The following CCDC13 variants were observed in gnomAD, a reference collection of about 807,000 sequenced individuals.
The protein encoded by CCDC13 is coiled-coil domain-containing protein 13.
A neutral mutation model predicts 87.3 loss-of-function variants in CCDC13; 70 were observed. That is an observed-to-expected ratio of 0.80 (90% CI 0.66 to 0.98). The LOEUF is 0.98. CCDC13 is among the 50% of genes least tolerant of loss of function. The pLI, the probability that CCDC13 is intolerant of heterozygous loss-of-function variation, is 0.00. For synonymous variants in CCDC13, 317 were observed against 360.3 expected, an observed-to-expected ratio of 0.88 and a Z score of 1.36; for missense variants, 842 against 892.0, an observed-to-expected ratio of 0.94 and a Z score of 0.71.
chr3:42,723,565 G>T (rs1409470803), intron 13 of CCDC13, among the ~76,000 whole-genome samples: 1 of 152,076 alleles, frequency 6.6e-6, no homozygotes, highest in East Asian at 1.9e-4. Flanking sequence ...AAAAAAGAAA[G>T]AACATTAAAT....
chr3:42,729,927 G>A (rs1295062391), intron 13 of CCDC13, among the ~76,000 whole-genome samples: 1 of 152,206 alleles, frequency 6.6e-6, no homozygotes, highest in African/African-American at 2.4e-5. Context: ...TTGCCAAAAG[G>A]ATCATTTGAG....
intron 9 of CCDC13, among the ~76,000 whole-genome samples, chr3:42,737,645 T>A (rs1023080175): frequency 5.3e-5 from 8 of 152,266 alleles, no homozygotes; most frequent in African/African-American, 1.9e-4. Context: ...GGTTTTGATT[T>A]GCATTTCTCT....
chr3:42,726,507 A>G (rs974277598), intron 13 of CCDC13, among the ~76,000 whole-genome samples: 10 of 152,228 alleles, frequency 6.6e-5, no homozygotes, highest in Admixed American at 5.2e-4. Flanking sequence ...GAATAAGTCT[A>G]ACATATATGG....
At position 42,757,341 on chromosome 3, in the gene CCDC13, G is replaced by T. The variant is rs986966296; in HGVS notation, c.222-127C>A. 56 of 878,270 alleles carry T rather than the reference G, an allele frequency of 6.4e-5. 1 individual carries two copies. Among genetic ancestry groups the T allele is most frequent in the Non-Finnish European group, 9.4e-5 (54 of 577,102 alleles). 54.4% of individuals were successfully genotyped at this position (878,270 alleles called of 1,614,324 possible). A position where few individuals can be genotyped will look rare whatever the true frequency, so the allele number is the denominator to read the frequency against. On this transcript the variant is annotated intron_variant, in intron 2 of 15. Transcript: ENST00000310232. ...AGACACACTGACGTGAAAGAAGAAA[G>T]ATTTCAATGTCGTTCATTAGCTGGC...
chr3:42,737,459 T>C lies in CCDC13; in HGVS notation c.1165-1546A>G, dbSNP rs562449168. 2.8e-4 allele frequency among the ~76,000 whole-genome samples: 43 copies of C among 152,372 alleles called. No homozygotes were observed. In the South Asian group the frequency reaches 8.3e-3, roughly 29 times the overall value. On this transcript the variant is annotated intron_variant, in intron 9 of 15. Transcript: ENST00000310232. ...TGGGATTGCTGGATCAAATGGTATT[T>C]CTAGTTCTAGATCCTTGAGGAATCG... is the stretch of plus-strand genomic sequence containing the variant.
At chr3:42,764,112 A>G (rs1699887303) in intron 1 of CCDC13, among the ~76,000 whole-genome samples, 2 of 152,232 alleles carry the variant, frequency 1.3e-5, no homozygotes, top group South Asian at 4.1e-4. Context: ...TAAAAGAGAT[A>G]AAAGTTTTGA....
intron 12 of CCDC13, among the ~76,000 whole-genome samples, chr3:42,730,826 A>C (rs1300457570): frequency 6.6e-6 from 1 of 152,070 alleles, no homozygotes; most frequent in Non-Finnish European, 1.5e-5. Context: ...TTACACTGGT[A>C]CCTCTGTCCA....
rs147783900 is a variant in CCDC13 at position 42,765,975 on chromosome 3, G to A, written c.-7+7201C>T. Among the ~76,000 whole-genome samples, 862 of 152,336 alleles carry A rather than the reference G, an allele frequency of 5.7e-3. 4 individuals are homozygous for A. Among genetic ancestry groups the A allele is most frequent in the Non-Finnish European group, 9.4e-3 (639 of 68,036 alleles). ...GATCAGCTTTGCCTTCTGCAGAGCT[G>A]GAGGCAAAGGGCCTAGCTAGGAGGG... On this transcript the variant is annotated intron_variant, in intron 1 of 15. Coordinates refer to ENST00000310232, the MANE Select transcript of CCDC13 (RefSeq NM_144719.4).
chr3:42,735,764 A>G lies in CCDC13; in HGVS notation c.1314T>C (p.Ala438=). 1.2e-6 allele frequency: 2 copies of G among 1,614,224 alleles called. No homozygotes were observed. The highest frequency in any genetic ancestry group is 1.7e-6 in the Non-Finnish European group (2 of 1,180,036). ...GCTGTCGCACTTTGGCCTCCCGCTC[A>G]GCTACCATGGCCTGCAGCTGGGCGA... The part of the protein sequence containing the change: ...SLVAQLQAMV[A]EREAKVRQLE... Residue 438 remains alanine, a synonymous_variant, in exon 10 of 16, where the codon GCT becomes GCC. Transcript: ENST00000310232.
intron 8 of CCDC13, among the ~76,000 whole-genome samples, chr3:42,741,877 C>T (rs115824442): frequency 3.3e-5 from 5 of 152,316 alleles, no homozygotes; most frequent in African/African-American, 7.2e-5. Context: ...TGGTCTACAG[C>T]GCTGGGAGGT....
intron 7 of CCDC13, among the ~76,000 whole-genome samples, chr3:42,744,528 G>A (rs11709054): frequency 0.24 from 36,284 of 152,036 alleles, 4,509 homozygotes; most frequent in South Asian, 0.29. Flanking sequence ...ATACAGGGCC[G>A]GGCGTGGTGG....
chr3:42,749,787 A>G (rs1266028863), intron 5 of CCDC13: 9 of 447,982 alleles, frequency 2.0e-5, no homozygotes, highest in East Asian at 1.4e-4. Context: ...AGCGCAGTAC[A>G]TGGGGAGCAG....
At chr3:42,743,672 TA>T (rs2125896466) in intron 7 of CCDC13, among the ~76,000 whole-genome samples, 1 of 147,230 alleles carries the variant, frequency 6.8e-6, no homozygotes, top group African/African-American at 2.5e-5. Flanking sequence ...TATATATATA[TA>T]AAATTTGGTA....
At chr3:42,769,641 G>C (rs1700013367) in intron 1 of CCDC13, among the ~76,000 whole-genome samples, 1 of 152,280 alleles carries the variant, frequency 6.6e-6, no homozygotes. Context: ...GCCTGCTGCT[G>C]CACTGTGGGA....
At chr3:42,771,276 AG>A (rs1221360578) in intron 1 of CCDC13, among the ~76,000 whole-genome samples, 1 of 152,270 alleles carries the variant, frequency 6.6e-6, no homozygotes, top group Non-Finnish European at 1.5e-5. Flanking sequence ...GAGAAGTAAA[AG>A]ATACCAGTGA....
intron 13 of CCDC13, among the ~76,000 whole-genome samples, chr3:42,729,194 C>T (rs1355879097): frequency 6.6e-6 from 1 of 152,156 alleles, no homozygotes; most frequent in Non-Finnish European, 1.5e-5. Flanking sequence ...TTCACACACC[C>T]CCAAACTCGG....
chr3:42,767,889 G>A (rs1039419489), intron 1 of CCDC13, among the ~76,000 whole-genome samples: 18 of 151,750 alleles, frequency 1.2e-4, no homozygotes, highest in African/African-American at 3.9e-4. Flanking sequence ...CAGGAGAATC[G>A]CTTGAACCCA....
At chr3:42,750,872 C>T (rs1447153519) in intron 5 of CCDC13, among the ~76,000 whole-genome samples, 7 of 152,206 alleles carry the variant, frequency 4.6e-5, no homozygotes, top group Non-Finnish European at 1.0e-4. Context: ...TGTGGAGGTG[C>T]TCAATGCGTG....
At chr3:42,709,409 G>T (rs1698249423) in intron 15 of CCDC13, among the ~76,000 whole-genome samples, 1 of 152,224 alleles carries the variant, frequency 6.6e-6, no homozygotes. Flanking sequence ...ATGGCTGCGT[G>T]GGGTCTTAAA....
Sources: allele counts gnomAD v4.1 joint callset (sites outside exome capture counted in the v4.1 genomes callset), GRCh38; gene constraint gnomAD v4.1.1; transcripts MANE v1.5; gene names NCBI Gene and HGNC (gene_info 2026-07-23, HGNC 2026-07-21).